Variants in CLASP1 observed in about 807,000 individuals in gnomAD.
CLASP1 encodes cytoplasmic linker associated protein 1, also known as CLIP-associating protein 1.
Under a neutral mutation model 192.3 loss-of-function variants are expected in CLASP1, and 38 were observed. The ratio of observed to expected loss-of-function variants is 0.20; its 90% CI spans 0.15 to 0.26. The LOEUF is 0.26. Ranked by LOEUF, CLASP1 falls within the 10% of genes least tolerant of loss-of-function variation. The pLI is 1.00. For synonymous variants in CLASP1, 691 were observed against 712.8 expected, an observed-to-expected ratio of 0.97 and a Z score of 0.49; for missense variants, 1,433 against 1,932.5, an observed-to-expected ratio of 0.74 and a Z score of 4.85.
At chr2:121,409,837 A>T (rs2077442320) in intron 24 of CLASP1, among the ~76,000 whole-genome samples, 1 of 152,196 alleles carries the variant, frequency 6.6e-6, no homozygotes, top group South Asian at 2.1e-4. Flanking sequence ...GCCAGAAAAA[A>T]GTCTTTCTAT....
At chr2:121,525,986 C>T (rs2094565038) in intron 5 of CLASP1, 66 bp from the exon 6 acceptor site, 3 of 1,108,426 alleles carry the variant, frequency 2.7e-6, no homozygotes, top group Non-Finnish European at 4.1e-6. Flanking sequence ...TGCCTGTCTG[C>T]CCACACCTGC....
At chr2:121,528,771 C>G in exon 4 of CLASP1, 1 of 1,613,560 alleles carries the variant, frequency 6.2e-7, no homozygotes. Context: ...GTCTATTAGA[C>G]TTGGCAGCAC....
intron 1 of CLASP1, among the ~76,000 whole-genome samples, chr2:121,612,996 T>C (rs1394823526): frequency 6.6e-6 from 1 of 152,214 alleles, no homozygotes; most frequent in East Asian, 1.9e-4. Flanking sequence ...TCCAAAAGAA[T>C]ATGAGAGACA....
At chr2:121,469,334 C>A (rs954010051) in intron 9 of CLASP1, among the ~76,000 whole-genome samples, 1 of 152,222 alleles carries the variant, frequency 6.6e-6, no homozygotes, top group African/African-American at 2.4e-5. Flanking sequence ...CACGACCCTG[C>A]ATGCGGAGTA....
At position 121,395,265 on chromosome 2, in the gene CLASP1, T is replaced by C. The variant is rs79845437; in HGVS notation, c.3123+1875A>G. ...ACTGTGAGATAATAAATCTGTATTG[T>C]TTCAAGCTAAGTATGTGGTAATTTG... is the stretch of plus-strand genomic sequence containing the variant. On this transcript the variant is annotated intron_variant, in intron 30 of 39. Transcript: ENST00000263710. Among the ~76,000 whole-genome samples, 1,082 of 152,288 alleles carry C rather than the reference T, an allele frequency of 7.1e-3. 11 individuals carry two copies. The highest frequency in any genetic ancestry group is 0.025 in the African/African-American group (1,019 of 41,552).
chr2:121,631,773 G>A (rs180796868), intron 1 of CLASP1, among the ~76,000 whole-genome samples: 10 of 151,392 alleles, frequency 6.6e-5, no homozygotes, highest in South Asian at 2.1e-4. Flanking sequence ...CGGGCCAGGC[G>A]CAGTGGGTCA....
chr2:121,400,313 T>C (rs1356785489), intron 28 of CLASP1, among the ~76,000 whole-genome samples: 1 of 152,076 alleles, frequency 6.6e-6, no homozygotes, highest in Non-Finnish European at 1.5e-5. Flanking sequence ...GATAACAGAA[T>C]TCTAGAGCAA....
At chr2:121,546,341 C>A (rs2057414049) in intron 2 of CLASP1, among the ~76,000 whole-genome samples, 1 of 151,232 alleles carries the variant, frequency 6.6e-6, no homozygotes, top group South Asian at 2.1e-4. Flanking sequence ...GCCAAGATGG[C>A]TGACTAGAAG....
intron 2 of CLASP1, among the ~76,000 whole-genome samples, chr2:121,583,898 T>C (rs535789132): frequency 2.7e-5 from 4 of 149,458 alleles, no homozygotes; most frequent in Non-Finnish European, 4.4e-5. Flanking sequence ...GAAATACCTT[T>C]ATGTAAAAAA....
At chr2:121,492,880 G>A (rs2093381332) in intron 8 of CLASP1, among the ~76,000 whole-genome samples, 1 of 152,052 alleles carries the variant, frequency 6.6e-6, no homozygotes, top group African/African-American at 2.4e-5. Flanking sequence ...GTATACAAAT[G>A]TTCAAAGCAG....
At chr2:121,628,285 T>C (rs903985382) in intron 1 of CLASP1, among the ~76,000 whole-genome samples, 1 of 152,160 alleles carries the variant, frequency 6.6e-6, no homozygotes, top group Admixed American at 6.6e-5. Flanking sequence ...TTTTCCAACA[T>C]AAACTTATTC....
At chr2:121,506,611 C>T (rs776203854) in intron 7 of CLASP1, among the ~76,000 whole-genome samples, 27 of 152,138 alleles carry the variant, frequency 1.8e-4, no homozygotes, top group Non-Finnish European at 2.6e-4. Flanking sequence ...TGTGCACATG[C>T]ACAGGCCCAG....
chr2:121,432,126 AAT>A (rs753715987), intron 19 of CLASP1, among the ~76,000 whole-genome samples: 2 of 152,034 alleles, frequency 1.3e-5, no homozygotes, highest in African/African-American at 2.4e-5. Context: ...TTAATTAATT[AAT>A]ATATGAGGCA....
At chr2:121,528,484 C>A (rs2094641156) in intron 4 of CLASP1, among the ~76,000 whole-genome samples, 193 bp downstream of exon 4, 1 of 152,222 alleles carries the variant, frequency 6.6e-6, no homozygotes, top group Non-Finnish European at 1.5e-5. Flanking sequence ...CTAATTTACT[C>A]ATCTCATAGT....
chr2:121,390,797 A>G (rs567565874), intron 30 of CLASP1, among the ~76,000 whole-genome samples: 28 of 152,246 alleles, frequency 1.8e-4, no homozygotes, highest in Non-Finnish European at 1.0e-4. Context: ...ACCCTCAGAC[A>G]TTTCTCATTT....
intron 7 of CLASP1, among the ~76,000 whole-genome samples, chr2:121,507,486 C>T (rs116769129): frequency 0.014 from 2,083 of 152,020 alleles, 42 homozygotes; most frequent in African/African-American, 0.047. Flanking sequence ...AACAGAAGTC[C>T]CAGGAAAACA....
chr2:121,595,502 T>A (rs1292994953), intron 2 of CLASP1, among the ~76,000 whole-genome samples: 1 of 152,270 alleles, frequency 6.6e-6, no homozygotes, highest in Non-Finnish European at 1.5e-5. Context: ...TTCTGTTGCA[T>A]GTATCCTTAT....
At chr2:121,415,314 T>A (rs1296907323) in intron 23 of CLASP1, among the ~76,000 whole-genome samples, 1 of 152,230 alleles carries the variant, frequency 6.6e-6, no homozygotes, top group Non-Finnish European at 1.5e-5. Flanking sequence ...TAATGGTACC[T>A]ACCTCTTGGG....
At chr2:121,427,546 C>T in intron 20 of CLASP1, 116 bp from the exon 21 acceptor site, 1 of 1,010,702 alleles carries the variant, frequency 9.9e-7, no homozygotes, top group Admixed American at 2.0e-5. Flanking sequence ...AATACATTAG[C>T]AAAACAGCTA....
Sources: allele counts gnomAD v4.1 joint callset (sites outside exome capture counted in the v4.1 genomes callset), GRCh38; gene constraint gnomAD v4.1.1; transcripts MANE v1.5; gene names NCBI Gene and HGNC (gene_info 2026-07-23, HGNC 2026-07-21).